Variants in EPHB1 observed in about 807,000 individuals in gnomAD.
The protein encoded by EPHB1 is EPH receptor B1.
EPHB1 carries 30 observed loss-of-function variants against 94.4 expected under a neutral mutation model. The observed-to-expected ratio is 0.32, with a 90% CI of 0.24 to 0.43. EPHB1 has a LOEUF of 0.43. Among genes scored for constraint, EPHB1 ranks in the 20% least tolerant of loss-of-function variants. The pLI is 1.00. For synonymous variants in EPHB1, 522 were observed against 489.1 expected (o/e 1.07, Z -0.89); for missense variants, 1,055 against 1,308.3 (o/e 0.81, Z 2.99).
intron 2 of EPHB1, among the ~76,000 whole-genome samples, chr3:134,947,154 C>T (rs191182153): frequency 1.1e-4 from 16 of 152,240 alleles, no homozygotes; most frequent in Admixed American, 1.0e-3. Flanking sequence ...CTGGCACAAA[C>T]CTAACATTCA....
chr3:135,004,118 A>G (rs1290434190), intron 3 of EPHB1, among the ~76,000 whole-genome samples: 1 of 151,876 alleles, frequency 6.6e-6, no homozygotes, highest in Non-Finnish European at 1.5e-5. Flanking sequence ...TTCCATGTTT[A>G]GCGCTTCCTT....
chr3:134,932,698 G>A lies in EPHB1; in HGVS notation c.123+6818G>A, dbSNP rs985111471. 2.0e-5 allele frequency among the ~76,000 whole-genome samples: 3 copies of A among 152,314 alleles called. No individual in the cohort carries two copies. In the East Asian group the frequency reaches 5.8e-4, roughly 29 times the overall value. On this transcript the variant is annotated intron_variant, in intron 2 of 15. Coordinates refer to ENST00000398015, the MANE Select transcript of EPHB1 (RefSeq NM_004441.5). ...CTTGGTAAACACTTAGGAAATGTTAGCACATCACTAACCCTCTGGAGGGCT... is the reference window on the plus strand; with the variant it reads ...CTTGGTAAACACTTAGGAAATGTTAACACATCACTAACCCTCTGGAGGGCT...
At chr3:135,149,536 G>A (rs1323690721) in intron 5 of EPHB1, among the ~76,000 whole-genome samples, 3 of 152,130 alleles carry the variant, frequency 2.0e-5, no homozygotes, top group African/African-American at 4.8e-5. Context: ...TGTTTTGTCC[G>A]AAAGTTTCAT....
intron 1 of EPHB1, among the ~76,000 whole-genome samples, chr3:134,852,282 C>T (rs1004542409): frequency 1.6e-4 from 24 of 152,148 alleles, no homozygotes; most frequent in Admixed American, 1.3e-4. Flanking sequence ...CCACTCCCAC[C>T]CTGGCAAGCA....
chr3:135,111,311 G>A (rs1409654513), intron 4 of EPHB1, among the ~76,000 whole-genome samples: 8 of 152,208 alleles, frequency 5.3e-5, no homozygotes, highest in Non-Finnish European at 1.2e-4. Flanking sequence ...TCTGGAGGTG[G>A]AGCCCAGTGA....
At chr3:135,112,692 A>T (rs2107801960) in intron 4 of EPHB1, among the ~76,000 whole-genome samples, 1 of 151,640 alleles carries the variant, frequency 6.6e-6, no homozygotes, top group South Asian at 2.1e-4. Flanking sequence ...TTCCAGTTTC[A>T]TCCATGTCCC....
At chr3:135,085,142 C>T (rs532088070) in intron 3 of EPHB1, among the ~76,000 whole-genome samples, 5 of 152,302 alleles carry the variant, frequency 3.3e-5, no homozygotes, top group African/African-American at 1.2e-4. Flanking sequence ...AATAATGACC[C>T]TTATCTGTGC....
chr3:135,103,016 C>G (rs1576386034), intron 3 of EPHB1, among the ~76,000 whole-genome samples: 2 of 152,184 alleles, frequency 1.3e-5, no homozygotes, highest in Admixed American at 1.3e-4. Context: ...AGGACAAATA[C>G]CTAATGCATG....
chr3:135,177,818 G>T (rs762989952), intron 9 of EPHB1, among the ~76,000 whole-genome samples: 1 of 152,146 alleles, frequency 6.6e-6, no homozygotes, highest in African/African-American at 2.4e-5. Context: ...TGGTTTGACT[G>T]TTCTTACTCT....
intron 1 of EPHB1, among the ~76,000 whole-genome samples, chr3:134,816,903 G>A (rs889536854): frequency 1.3e-5 from 2 of 152,048 alleles, no homozygotes; most frequent in African/African-American, 4.8e-5. Flanking sequence ...CACCCTCAGT[G>A]TGAGCAGGTC....
intron 15 of EPHB1, among the ~76,000 whole-genome samples, chr3:135,253,355 T>G (rs1203166592): frequency 3.7e-4 from 55 of 148,614 alleles, no homozygotes; most frequent in Non-Finnish European, 6.3e-4. Context: ...GGTCTAACAT[T>G]TAAGTCTTTA....
chr3:134,844,204 G>A (rs558492741), intron 1 of EPHB1, among the ~76,000 whole-genome samples: 3 of 152,268 alleles, frequency 2.0e-5, no homozygotes, highest in South Asian at 4.1e-4. Context: ...GTCTGTGTGG[G>A]TTAACGGTCT....
intron 12 of EPHB1, among the ~76,000 whole-genome samples, chr3:135,218,273 C>T (rs1943199591): frequency 6.6e-6 from 1 of 152,130 alleles, no homozygotes; most frequent in Non-Finnish European, 1.5e-5. Flanking sequence ...CACTCTATCC[C>T]CTTTTCCACC....
At chr3:134,851,210 G>A (rs1439423146) in intron 1 of EPHB1, among the ~76,000 whole-genome samples, 1 of 152,220 alleles carries the variant, frequency 6.6e-6, no homozygotes, top group Non-Finnish European at 1.5e-5. Flanking sequence ...AGCCCAGCAG[G>A]GCACACCTGC....
At chr3:134,942,085 A>G (rs948813549) in intron 2 of EPHB1, among the ~76,000 whole-genome samples, 1 of 152,188 alleles carries the variant, frequency 6.6e-6, no homozygotes, top group Non-Finnish European at 1.5e-5. Context: ...TTGGTTGTGC[A>G]AGGTTGATTT....
At chr3:135,140,298 C>G (rs545337852) in intron 5 of EPHB1, among the ~76,000 whole-genome samples, 1 of 152,156 alleles carries the variant, frequency 6.6e-6, no homozygotes, top group Non-Finnish European at 1.5e-5. Context: ...CCTCCATGCT[C>G]CTGTGGCAAG....
intron 15 of EPHB1, among the ~76,000 whole-genome samples, chr3:135,252,546 C>G (rs1241971642): frequency 1.3e-5 from 2 of 149,722 alleles, no homozygotes; most frequent in East Asian, 3.9e-4. Context: ...GACATGAACT[C>G]ATCATTTTTT....
At chr3:135,157,896 T>C (rs889073287) in intron 6 of EPHB1, among the ~76,000 whole-genome samples, 2 of 152,176 alleles carry the variant, frequency 1.3e-5, no homozygotes, top group Non-Finnish European at 2.9e-5. Flanking sequence ...AACCAACTTA[T>C]AGATGATGGA....
At chr3:135,075,353 C>G (rs909575745) in intron 3 of EPHB1, among the ~76,000 whole-genome samples, 3 of 152,110 alleles carry the variant, frequency 2.0e-5, no homozygotes, top group Non-Finnish European at 4.4e-5. Context: ...AATCGATAGC[C>G]AGAATCCATG....
Sources: allele counts gnomAD v4.1 joint callset (sites outside exome capture counted in the v4.1 genomes callset), GRCh38; gene constraint gnomAD v4.1.1; transcripts MANE v1.5; gene names NCBI Gene and HGNC (gene_info 2026-07-23, HGNC 2026-07-21).